Variants in TULP4 observed in about 807,000 individuals in gnomAD.
The protein encoded by TULP4 is TUB like protein 4, also known as tubby-related protein 4.
A neutral mutation model predicts 129.0 loss-of-function variants in TULP4; 16 were observed. The ratio of observed to expected loss-of-function variants is 0.12; its 90% CI spans 0.08 to 0.19. The LOEUF (loss-of-function observed/expected upper bound fraction) is 0.19, where lower values mean the gene tolerates loss of function less well. TULP4 is among the 10% of genes least tolerant of loss of function. The probability of loss-of-function intolerance (pLI) is 1.00; values close to 1 mark genes in which losing one functional copy is unlikely to be tolerated. For synonymous variants in TULP4, 998 were observed against 854.0 expected (o/e 1.17, Z -2.94); for missense variants, 1,842 against 2,059.1 (o/e 0.89, Z 2.04).
At chr6:158,266,271 T>C (rs1004989950) in intron 1 of TULP4, among the ~76,000 whole-genome samples, 1 of 152,230 alleles carries the variant, frequency 6.6e-6, no homozygotes. Flanking sequence ...ATTTACTTTT[T>C]TTATGGAGAC....
chr6:158,250,312 C>T (rs932533766), intron 1 of TULP4, among the ~76,000 whole-genome samples: 2 of 152,054 alleles, frequency 1.3e-5, no homozygotes, highest in Non-Finnish European at 2.9e-5. Flanking sequence ...CGCCTGCCAC[C>T]ACACCCAGCT....
At chr6:158,480,652 C>CT (rs1779920321) in intron 7 of TULP4, among the ~76,000 whole-genome samples, 1 of 151,746 alleles carries the variant, frequency 6.6e-6, no homozygotes. Context: ...TTGTTGGTTA[C>CT]TTTTTTCCTG....
At chr6:158,295,785 G>A (rs1004386693) in intron 1 of TULP4, among the ~76,000 whole-genome samples, 2 of 152,200 alleles carry the variant, frequency 1.3e-5, no homozygotes, top group Non-Finnish European at 2.9e-5. Flanking sequence ...CAACTACTTG[G>A]GAGGCTGAGG....
intron 1 of TULP4, among the ~76,000 whole-genome samples, chr6:158,270,390 C>T (rs753828202): frequency 9.9e-5 from 15 of 152,174 alleles, no homozygotes; most frequent in Non-Finnish European, 2.2e-4. Context: ...CTCTTGATTA[C>T]AGGATTTACC....
In TULP4 at chr6:158,274,499, G is replaced by A. The variant is rs1474435305; in HGVS notation, n.69-37552G>A. 2.6e-5 allele frequency among the ~76,000 whole-genome samples: 4 copies of A among 151,758 alleles called. No homozygotes were observed. In the East Asian group the frequency reaches 7.8e-4, roughly 30 times the overall value. ...TCATTTAAACCTTCCAGTGGCGGCC[G>A]GGCGCAGTGGCTCACGCCTGTAGTC... is the stretch of plus-strand genomic sequence containing the variant. On this transcript the variant is annotated intron_variant and non_coding_transcript_variant, in intron 1 of 1. Transcript: ENST00000620026.
At chr6:158,421,332 A>G (rs569969713) in intron 2 of TULP4, among the ~76,000 whole-genome samples, 35 of 151,636 alleles carry the variant, frequency 2.3e-4, no homozygotes, top group Admixed American at 2.0e-3. Flanking sequence ...ACTGCACTCC[A>G]GCCTGGGCCA....
At chr6:158,472,647 C>G (rs1395661529) in intron 6 of TULP4, among the ~76,000 whole-genome samples, 2 of 152,172 alleles carry the variant, frequency 1.3e-5, no homozygotes, top group African/African-American at 4.8e-5. Flanking sequence ...ATTTATTGGA[C>G]TGCTTATAAA....
At chr6:158,308,279 G>GT (rs1779252864), upstream of TULP4, among the ~76,000 whole-genome samples, 2 of 149,948 alleles carry the variant, frequency 1.3e-5, no homozygotes. Flanking sequence ...TTAACCCTGA[G>GT]TGGACACAGC....
chr6:158,255,766 T>C (rs893635675), intron 1 of TULP4, among the ~76,000 whole-genome samples: 2 of 152,234 alleles, frequency 1.3e-5, no homozygotes, highest in African/African-American at 4.8e-5. Context: ...TCTTATTGTT[T>C]ACACCAATTT....
At chr6:158,389,213 G>C (rs1432204664) in intron 1 of TULP4, among the ~76,000 whole-genome samples, 1 of 152,228 alleles carries the variant, frequency 6.6e-6, no homozygotes, top group Non-Finnish European at 1.5e-5. Context: ...ACTTTGGGAG[G>C]CTGAGGCAGA....
At chr6:158,274,565 A>G (rs1371839146) in intron 1 of TULP4, among the ~76,000 whole-genome samples, 2 of 152,128 alleles carry the variant, frequency 1.3e-5, no homozygotes, top group East Asian at 1.9e-4. Flanking sequence ...TCATGAGGTC[A>G]GGAGATCGAG....
intron 1 of TULP4, among the ~76,000 whole-genome samples, chr6:158,343,272 A>C (rs1159473627): frequency 6.6e-6 from 1 of 152,164 alleles, no homozygotes; most frequent in Non-Finnish European, 1.5e-5. Context: ...AACTGTGTCC[A>C]AAATGGTGTT....
chr6:158,455,937 T>G (rs1779283171), intron 5 of TULP4, among the ~76,000 whole-genome samples: 1 of 152,116 alleles, frequency 6.6e-6, no homozygotes, highest in East Asian at 1.9e-4. Context: ...CATAGAAATG[T>G]ATTAATGTGA....
chr6:158,374,781 A>G (rs192921925), intron 1 of TULP4, among the ~76,000 whole-genome samples: 83 of 152,352 alleles, frequency 5.4e-4, no homozygotes, highest in African/African-American at 1.9e-3. Context: ...GAATTTACTC[A>G]TGAATGGTAC....
intron 1 of TULP4, among the ~76,000 whole-genome samples, chr6:158,361,254 G>A (rs892883595): frequency 1.3e-5 from 2 of 152,140 alleles, no homozygotes; most frequent in African/African-American, 4.8e-5. Flanking sequence ...TGGGTTTTGA[G>A]CAGAGTGATA....
chr6:158,334,940 C>T (rs1419450588), intron 1 of TULP4, among the ~76,000 whole-genome samples: 1 of 152,142 alleles, frequency 6.6e-6, no homozygotes, highest in East Asian at 1.9e-4. Flanking sequence ...TCTGCTGACA[C>T]CTTGATCTTG....
chr6:158,390,097 G>A (rs538522063), intron 1 of TULP4, among the ~76,000 whole-genome samples: 4 of 151,786 alleles, frequency 2.6e-5, no homozygotes, highest in African/African-American at 4.8e-5. Flanking sequence ...TTTAAATTAC[G>A]TAAGTCATTT....
intron 8 of TULP4, among the ~76,000 whole-genome samples, chr6:158,487,171 G>A (rs939237583): frequency 2.5e-4 from 6 of 23,752 alleles, no homozygotes; most frequent in Admixed American, 8.5e-4. Context: ...TCACTGCCTC[G>A]GGAGGCTGAG....
At chr6:158,276,285 C>A (rs1778644155) in intron 1 of TULP4, among the ~76,000 whole-genome samples, 1 of 146,646 alleles carries the variant, frequency 6.8e-6, no homozygotes, top group Non-Finnish European at 1.5e-5. Context: ...ACTTTTTCTT[C>A]TTCCTTCTTT....
Sources: allele counts gnomAD v4.1 joint callset (sites outside exome capture counted in the v4.1 genomes callset), GRCh38; gene constraint gnomAD v4.1.1; transcripts MANE v1.5; gene names NCBI Gene and HGNC (gene_info 2026-07-23, HGNC 2026-07-21).